SGCE: variants seen among roughly 807,000 people sequenced by gnomAD.
SGCE encodes epsilon-sarcoglycan.
In SGCE, 26 loss-of-function variants were observed where a neutral mutation model predicts 57.8. That is an observed-to-expected ratio of 0.45 (90% CI 0.33 to 0.62). The LOEUF is 0.62. Ranked by LOEUF, SGCE falls within the 20% of genes least tolerant of loss-of-function variation. The pLI is 0.02. For missense variants in SGCE, 468 were observed against 548.6 expected (o/e 0.85, Z 1.47); for synonymous variants, 183 against 189.5 (o/e 0.97, Z 0.28).
At chr7:94,601,489 C>T (rs1157318147) in intron 6 of SGCE, among the ~76,000 whole-genome samples, 9 of 129,852 alleles carry the variant, frequency 6.9e-5, no homozygotes, top group Middle Eastern at 5.4e-3. Flanking sequence ...ACAACAGTTG[C>T]ACTATGTTAA....
intron 1 of SGCE, among the ~76,000 whole-genome samples, chr7:94,633,276 G>T (rs979357392): frequency 6.6e-6 from 1 of 151,854 alleles, no homozygotes; most frequent in Non-Finnish European, 1.5e-5. Context: ...AGTCCAACCC[G>T]CAAGAGGTCA....
chr7:94,634,786 GA>G (rs1212830024), intron 1 of SGCE, among the ~76,000 whole-genome samples: 1 of 152,138 alleles, frequency 6.6e-6, no homozygotes, highest in Middle Eastern at 3.2e-3. Flanking sequence ...TACTATACTT[GA>G]GAGAGAGCCA....
At chr7:94,601,675 C>G (rs1032438671) in intron 6 of SGCE, among the ~76,000 whole-genome samples, 5 of 151,976 alleles carry the variant, frequency 3.3e-5, no homozygotes, top group Non-Finnish European at 7.4e-5. Context: ...CCAAAAAACT[C>G]CACTTGAAAA....
intron 6 of SGCE, among the ~76,000 whole-genome samples, chr7:94,602,246 T>G (rs1318904706): frequency 6.6e-6 from 1 of 152,054 alleles, no homozygotes; most frequent in African/African-American, 2.4e-5. Context: ...CTATAATAAT[T>G]GAGCAAATTT....
At position 94,585,137 on chromosome 7, in the gene SGCE, AATGAACACATAAACCTGTTT is replaced by A. The variant is rs1796743864; in HGVS notation, c.*342_*361del. On this transcript the variant is annotated 3_prime_UTR_variant, in exon 11 of 11. Coordinates refer to ENST00000648936, the MANE Select transcript of SGCE (RefSeq NM_003919.3). ...AAGCACTAAAGTCTTGTGGAATGAG[AATGAACACATAAACCTGTTT>A]CTAGCGATTAAAAGATTTCTACTAA... The A allele has an allele frequency of 9.6e-6, 2 of 208,280 alleles. No homozygotes were observed. Among genetic ancestry groups the A allele is most frequent in the Non-Finnish European group, 1.9e-5 (2 of 103,632 alleles). 12.9% of individuals were successfully genotyped at this position (208,280 alleles called of 1,614,324 possible). A position where few individuals can be genotyped will look rare whatever the true frequency, so the allele number is the denominator to read the frequency against.
chr7:94,591,847 A>C (rs1797714282), intron 9 of SGCE, among the ~76,000 whole-genome samples: 1 of 152,228 alleles, frequency 6.6e-6, no homozygotes, highest in Non-Finnish European at 1.5e-5. Context: ...AATTCGGAGA[A>C]GATGCATAAG....
chr7:94,631,042 T>A (rs1207356479), intron 1 of SGCE, among the ~76,000 whole-genome samples: 17 of 151,978 alleles, frequency 1.1e-4, no homozygotes, highest in African/African-American at 4.1e-4. Flanking sequence ...ATCTACAGAT[T>A]TACTACTAAA....
intron 1 of SGCE, among the ~76,000 whole-genome samples, chr7:94,652,604 A>C (rs1808058435): frequency 6.6e-6 from 1 of 152,168 alleles, no homozygotes; most frequent in South Asian, 2.1e-4. Flanking sequence ...GTTGTCCCTT[A>C]TTTTCAATGT....
intron 9 of SGCE, chr7:94,589,111 C>A (rs1295123049): frequency 1.2e-5 from 3 of 249,478 alleles, no homozygotes; most frequent in Admixed American, 4.8e-5. Context: ...TTAACCTATA[C>A]ACTTTCAGAT....
chr7:94,603,169 A>G (rs1584545344), intron 6 of SGCE, 121 bp downstream of exon 6: 1 of 710,462 alleles, frequency 1.4e-6, no homozygotes, highest in Non-Finnish European at 2.4e-6. Flanking sequence ...TCTCAAGGGA[A>G]GTCAACTGCA....
At chr7:94,606,694 A>G (rs1161509848) in intron 5 of SGCE, among the ~76,000 whole-genome samples, 1 of 152,202 alleles carries the variant, frequency 6.6e-6, no homozygotes, top group Non-Finnish European at 1.5e-5. Flanking sequence ...AGTACACATG[A>G]AACATTTAGC....
chr7:94,638,344 G>A (rs1441070010), intron 1 of SGCE, among the ~76,000 whole-genome samples: 1 of 152,094 alleles, frequency 6.6e-6, no homozygotes, highest in Non-Finnish European at 1.5e-5. Flanking sequence ...GAGATCTGGG[G>A]GTAGAAGTGT....
intron 9 of SGCE, among the ~76,000 whole-genome samples, chr7:94,595,897 C>T (rs536632720): frequency 4.6e-5 from 7 of 152,180 alleles, no homozygotes; most frequent in Admixed American, 2.0e-4. Flanking sequence ...AACACTGAAA[C>T]GACACCGAAT....
In SGCE at chr7:94,631,137, C is replaced by G. The variant is rs144267522; in HGVS notation, c.110-1296G>C. On this transcript the variant is annotated intron_variant, in intron 1 of 10. Coordinates refer to ENST00000648936, the MANE Select transcript of SGCE (RefSeq NM_003919.3). ...GGTATGCAGAGAGATCTATTCTTTC[C>G]TGATTTGTTTTGTACTAGTATTCAT... is the stretch of plus-strand genomic sequence containing the variant. 5.6e-3 allele frequency among the ~76,000 whole-genome samples: 829 copies of G among 149,328 alleles called. 8 individuals carry two copies. Among genetic ancestry groups the G allele is most frequent in the African/African-American group, 0.019 (787 of 41,290 alleles).
chr7:94,631,244 C>T (rs912311355), intron 1 of SGCE, among the ~76,000 whole-genome samples: 3 of 151,872 alleles, frequency 2.0e-5, no homozygotes, highest in Admixed American at 6.6e-5. Flanking sequence ...AATCCCATTC[C>T]GCGAAACAAG....
At chr7:94,632,745 A>C (rs1441525012) in intron 1 of SGCE, among the ~76,000 whole-genome samples, 4 of 152,112 alleles carry the variant, frequency 2.6e-5, no homozygotes, top group African/African-American at 9.7e-5. Flanking sequence ...CTTGCAAAAC[A>C]AATAGCTCTG....
At chr7:94,634,068 A>G (rs1156365431) in intron 1 of SGCE, among the ~76,000 whole-genome samples, 2 of 152,180 alleles carry the variant, frequency 1.3e-5, no homozygotes, top group Non-Finnish European at 2.9e-5. Flanking sequence ...AGAAAGTCAT[A>G]AAGTATTGTC....
At chr7:94,608,625 AAGG>A (rs1185587426) in intron 5 of SGCE, among the ~76,000 whole-genome samples, 1 of 152,234 alleles carries the variant, frequency 6.6e-6, no homozygotes, top group African/African-American at 2.4e-5. Context: ...AACAATATTG[AAGG>A]AGAAGAACAA....
intron 1 of SGCE, among the ~76,000 whole-genome samples, chr7:94,640,366 T>C (rs1349493911): frequency 1.3e-5 from 2 of 152,290 alleles, no homozygotes; most frequent in East Asian, 3.9e-4. Flanking sequence ...AACACATACA[T>C]CAGGCTCTTA....
Sources: gnomAD v4.1 joint callset for allele counts (sites outside exome capture counted in the v4.1 genomes callset) on GRCh38, gnomAD v4.1.1 for gene constraint, MANE v1.5 for transcripts, NCBI Gene and HGNC (gene_info 2026-07-23, HGNC 2026-07-21) for gene names.